RPH3AL: variants seen among roughly 807,000 people sequenced by gnomAD.
RPH3AL encodes the protein rab effector Noc2.
Under a neutral mutation model 43.1 loss-of-function variants are expected in RPH3AL, and 38 were observed. That is an observed-to-expected ratio of 0.88 (90% CI 0.68 to 1.15). RPH3AL has a LOEUF of 1.15. Among genes scored for constraint, RPH3AL ranks in the 50% most tolerant of loss-of-function variants. RPH3AL has a pLI of 0.00. For missense variants in RPH3AL, 462 were observed against 423.2 expected, an observed-to-expected ratio of 1.09 and a Z score of -0.81; for synonymous variants, 189 against 176.3, an observed-to-expected ratio of 1.07 and a Z score of -0.57.
intron 5 of RPH3AL, 34 bp downstream of exon 5, chr17:319,386 A>G: frequency 6.2e-7 from 1 of 1,605,156 alleles, no homozygotes; most frequent in Non-Finnish European, 8.5e-7. Flanking sequence ...CCAGGCTGGG[A>G]AGCCAGAATG....
At chr17:243,945 C>T (rs972018164) in intron 7 of RPH3AL, among the ~76,000 whole-genome samples, 10 of 150,804 alleles carry the variant, frequency 6.6e-5, no homozygotes, top group African/African-American at 1.5e-4. Context: ...TACCCTTCCT[C>T]TACTGATTAC....
chr17:302,016 C>T (rs911978414), intron 5 of RPH3AL, among the ~76,000 whole-genome samples: 4 of 152,346 alleles, frequency 2.6e-5, no homozygotes, highest in African/African-American at 9.6e-5. Context: ...GCTCAGAGGG[C>T]ACAGACTCAC....
intron 6 of RPH3AL, among the ~76,000 whole-genome samples, chr17:262,821 C>A (rs2042232260): frequency 6.6e-6 from 1 of 152,172 alleles, no homozygotes; most frequent in Non-Finnish European, 1.5e-5. Flanking sequence ...CTAGGGACAG[C>A]CCCTATGCCA....
chr17:316,871 G>A (rs957459607), intron 5 of RPH3AL, among the ~76,000 whole-genome samples: 1 of 131,114 alleles, frequency 7.6e-6, no homozygotes, highest in Admixed American at 8.0e-5. Context: ...TAGTCCCTGT[G>A]CTCCACCTCC....
chr17:248,916 C>T (rs1399353123), intron 6 of RPH3AL, among the ~76,000 whole-genome samples: 4 of 152,146 alleles, frequency 2.6e-5, no homozygotes, highest in Non-Finnish European at 5.9e-5. Context: ...CCCTTCCGCT[C>T]GAGGCTCCAG....
At chr17:265,301 G>T (rs1438723401) in intron 6 of RPH3AL, among the ~76,000 whole-genome samples, 1 of 152,096 alleles carries the variant, frequency 6.6e-6, no homozygotes, top group East Asian at 1.9e-4. Flanking sequence ...TCGCCATTTT[G>T]CCCAGGTTGG....
chr17:247,370 A>T, intron 6 of RPH3AL, 85 bp from the exon 7 acceptor site: 1 of 1,370,798 alleles, frequency 7.3e-7, no homozygotes, highest in South Asian at 1.5e-5. Flanking sequence ...GGGAGGCAGG[A>T]CGCGGAGAGC....
At position 245,077 on chromosome 17, in the gene RPH3AL, GCA is replaced by G. The variant is rs1555539223; in HGVS notation, c.613+2032_613+2033del. Among the ~76,000 whole-genome samples, 27 of 151,388 alleles carry G rather than the reference GCA, an allele frequency of 1.8e-4. No individual in the cohort carries two copies. The highest frequency in any genetic ancestry group is 3.7e-4 in the Non-Finnish European group (25 of 67,814). On this transcript the variant is annotated intron_variant, in intron 7 of 9. Coordinates refer to ENST00000331302, the MANE Select transcript of RPH3AL (RefSeq NM_006987.4). This position sits in a 1 kb window ranked among gnomAD's most constrained non-coding sequence, Gnocchi z 5.9. ...CATGTGGATGTGTGTGCATAAATGT[GCA>G]TGCGCAAGTGTGTGTAGACGTGTGT...
At chr17:272,632 C>G (rs1258020723) in intron 6 of RPH3AL, among the ~76,000 whole-genome samples, 1 of 147,554 alleles carries the variant, frequency 6.8e-6, no homozygotes, top group African/African-American at 2.5e-5. Flanking sequence ...GGAGGGATAG[C>G]ATTAGGAGAT....
chr17:290,820 T>C lies in RPH3AL; in HGVS notation c.352-8966A>G, dbSNP rs1457090092. On this transcript the variant is annotated intron_variant, in intron 5 of 9. Transcript: ENST00000331302. This position sits in a 1 kb window ranked among gnomAD's most constrained non-coding sequence, Gnocchi z 4.2. ...CGCCGCCATCTCACAGCACCCGCGG[T>C]CTGGAGTCAGTCACTGGCAGCCTCA... Among the ~76,000 whole-genome samples, 1 of 152,100 alleles carries C rather than the reference T, an allele frequency of 6.6e-6. No individual in the cohort carries two copies. Among genetic ancestry groups the C allele is most frequent in the Non-Finnish European group, 1.5e-5 (1 of 68,006 alleles).
chr17:339,392 T>A (rs1287682339), intron 1 of RPH3AL: 1 of 151,630 alleles, frequency 6.6e-6, no homozygotes, highest in Non-Finnish European at 1.5e-5. Context: ...TAGCTAGGAG[T>A]TTTCAGGGCC....
At chr17:293,375 G>A (rs2043091091) in intron 5 of RPH3AL, among the ~76,000 whole-genome samples, 1 of 152,144 alleles carries the variant, frequency 6.6e-6, no homozygotes, top group South Asian at 2.1e-4. Context: ...ACTTGGACGG[G>A]GCTTCGGATC....
At chr17:337,753 G>A (rs1019747395) in intron 1 of RPH3AL, among the ~76,000 whole-genome samples, 6 of 152,050 alleles carry the variant, frequency 3.9e-5, no homozygotes, top group Non-Finnish European at 7.3e-5. Flanking sequence ...GCTCAGTCTC[G>A]CTGCTCGAGG....
At chr17:329,710 G>C (rs1290417225) in intron 2 of RPH3AL, among the ~76,000 whole-genome samples, 1 of 152,134 alleles carries the variant, frequency 6.6e-6, no homozygotes, top group Admixed American at 6.5e-5. Flanking sequence ...TCTTTTTAAT[G>C]TTTGACTTCA....
chr17:294,814 G>C (rs1233311275), intron 5 of RPH3AL, among the ~76,000 whole-genome samples: 2 of 53,598 alleles, frequency 3.7e-5, no homozygotes, highest in East Asian at 6.7e-4. Context: ...GGGAGGGACA[G>C]AGGAGCTGCA....
intron 5 of RPH3AL, among the ~76,000 whole-genome samples, chr17:296,591 T>C (rs1020425327): frequency 6.6e-6 from 1 of 152,010 alleles, no homozygotes; most frequent in Non-Finnish European, 1.5e-5. Flanking sequence ...GCCAGGCGAG[T>C]CCCTCACGAG....
rs1004854505 is a variant in RPH3AL at position 305,343 on chromosome 17, G to A, written c.351+14077C>T. 2.0e-5 allele frequency among the ~76,000 whole-genome samples: 3 copies of A among 152,132 alleles called. No individual in the cohort carries two copies. The East Asian group carries it at 5.8e-4, about 30-fold the overall frequency. Reference sequence around the variant, plus strand: ...CTCAGCCTGCACCTGCCACACTGCGGAGGCCCCACAGGGACAATCCGGGAG... The same window carrying A: ...CTCAGCCTGCACCTGCCACACTGCGAAGGCCCCACAGGGACAATCCGGGAG... On this transcript the variant is annotated intron_variant, in intron 5 of 9. Coordinates refer to ENST00000331302, the MANE Select transcript of RPH3AL (RefSeq NM_006987.4).
chr17:330,601 C>T (rs779576536), intron 2 of RPH3AL, among the ~76,000 whole-genome samples: 33 of 152,186 alleles, frequency 2.2e-4, no homozygotes, highest in South Asian at 4.1e-4. Context: ...ACAGCCCACA[C>T]GGGGTGGCTC....
chr17:243,447 T>G (rs1381937317), intron 7 of RPH3AL, among the ~76,000 whole-genome samples: 5 of 141,920 alleles, frequency 3.5e-5, no homozygotes, highest in African/African-American at 1.3e-4. Flanking sequence ...ATTACCTTCC[T>G]CTATTGATTA....
Sources: allele counts gnomAD v4.1 joint callset (sites outside exome capture counted in the v4.1 genomes callset), GRCh38; gene constraint gnomAD v4.1.1; non-coding constraint Gnocchi (gnomAD v3.1); transcripts MANE v1.5; gene names NCBI Gene and HGNC (gene_info 2026-07-23, HGNC 2026-07-21).